Variants in ZNF385B observed in about 807,000 individuals in gnomAD.
The protein encoded by ZNF385B is zinc finger protein 385B, also known as zinc finger protein 533.
In ZNF385B, 23 loss-of-function variants were observed where a neutral mutation model predicts 39.2. That is an observed-to-expected ratio of 0.59 (90% CI 0.42 to 0.83). The LOEUF (loss-of-function observed/expected upper bound fraction) is 0.83. Ranked by LOEUF, ZNF385B falls within the 40% of genes least tolerant of loss-of-function variation. The pLI, the probability that ZNF385B is intolerant of heterozygous loss-of-function variation, is 0.00. For synonymous variants in ZNF385B, 205 were observed against 222.6 expected (o/e 0.92, Z 0.70); for missense variants, 552 against 598.9 (o/e 0.92, Z 0.82).
intron 3 of ZNF385B, among the ~76,000 whole-genome samples, chr2:179,734,706 T>C (rs1380968595): frequency 6.6e-6 from 1 of 152,218 alleles, no homozygotes; most frequent in Non-Finnish European, 1.5e-5. Context: ...AGTACTCATA[T>C]ACTAACAGGT....
chr2:179,627,876 C>T (rs538974841), intron 3 of ZNF385B, among the ~76,000 whole-genome samples: 1 of 152,114 alleles, frequency 6.6e-6, no homozygotes, highest in East Asian at 1.9e-4. Context: ...TTGCTTCCCA[C>T]ATTTACTTTC....
rs116539896 is a variant in ZNF385B, at chr2:179,674,924, A to G, written c.298+94579T>C. Among the ~76,000 whole-genome samples the G allele has an allele frequency of 2.0e-3, 307 of 152,352 alleles. 3 individuals are homozygous for G. Among genetic ancestry groups the G allele is most frequent in the Middle Eastern group, 6.8e-3 (2 of 294 alleles). ...CCCTAAAATCCTATCTAACCCATGCAAAACTCACTGTAGGAAACACTATAC... is the reference window on the plus strand; with the variant it reads ...CCCTAAAATCCTATCTAACCCATGCGAAACTCACTGTAGGAAACACTATAC... On this transcript the variant is annotated intron_variant, in intron 3 of 9. Transcript: ENST00000410066.
At chr2:179,652,456 G>A (rs899177970) in intron 3 of ZNF385B, among the ~76,000 whole-genome samples, 2 of 152,070 alleles carry the variant, frequency 1.3e-5, no homozygotes, top group African/African-American at 4.8e-5. Context: ...TTACAAGTGA[G>A]TACTTACGGG....
At chr2:179,564,573 C>T (rs929647001) in intron 3 of ZNF385B, among the ~76,000 whole-genome samples, 1 of 152,156 alleles carries the variant, frequency 6.6e-6, no homozygotes, top group Non-Finnish European at 1.5e-5. Context: ...TACCTTTTAA[C>T]TTCTTTTAGA....
At chr2:179,583,827 C>A (rs1686800401) in intron 3 of ZNF385B, 2 of 1,117,994 alleles carry the variant, frequency 1.8e-6, no homozygotes, top group Non-Finnish European at 2.4e-6. Flanking sequence ...AACAGTGGAA[C>A]TGGCAGCAGG....
At chr2:179,803,587 CTG>C (rs1357963245) in intron 1 of ZNF385B, among the ~76,000 whole-genome samples, 2 of 152,144 alleles carry the variant, frequency 1.3e-5, no homozygotes, top group East Asian at 3.9e-4. Flanking sequence ...GATTTATAAA[CTG>C]TGCATGATAT....
chr2:179,709,765 T>A (rs1042878711), intron 3 of ZNF385B, among the ~76,000 whole-genome samples: 2 of 152,316 alleles, frequency 1.3e-5, no homozygotes, highest in Middle Eastern at 3.4e-3. Context: ...CACAGATCAC[T>A]TGGGGCCAGA....
chr2:179,768,519 A>C (rs192272794), intron 3 of ZNF385B, among the ~76,000 whole-genome samples: 6 of 152,328 alleles, frequency 3.9e-5, no homozygotes, highest in Non-Finnish European at 7.4e-5. Flanking sequence ...AGAACCATGT[A>C]ACAGCACTGA....
At chr2:179,647,374 T>G (rs187773673) in intron 3 of ZNF385B, among the ~76,000 whole-genome samples, 77 of 152,202 alleles carry the variant, frequency 5.1e-4, no homozygotes, top group African/African-American at 1.6e-3. Flanking sequence ...TGCCCTGAAG[T>G]GTCCAGCCCA....
At chr2:179,458,787 G>A (rs1472419724) in intron 6 of ZNF385B, among the ~76,000 whole-genome samples, 1 of 151,912 alleles carries the variant, frequency 6.6e-6, no homozygotes, top group East Asian at 1.9e-4. Flanking sequence ...GTTTTTCCTA[G>A]TTACTTCCTC....
chr2:179,660,253 C>T (rs1047522280), intron 3 of ZNF385B: 3 of 152,328 alleles, frequency 2.0e-5, no homozygotes, highest in African/African-American at 7.2e-5. Context: ...CCTGACTCCA[C>T]TCACTCACTG....
intron 3 of ZNF385B, among the ~76,000 whole-genome samples, chr2:179,683,730 C>T (rs1697712838): frequency 6.6e-6 from 1 of 152,246 alleles, no homozygotes; most frequent in East Asian, 1.9e-4. Context: ...CCCGCCTCGG[C>T]CTCCCAAAGT....
chr2:179,810,211 T>G (rs1157024363), intron 1 of ZNF385B, among the ~76,000 whole-genome samples: 1 of 151,812 alleles, frequency 6.6e-6, no homozygotes, highest in Non-Finnish European at 1.5e-5. Context: ...AATTTTTAAG[T>G]GATTGTTTTA....
chr2:179,764,267 C>T (rs1039385280), intron 3 of ZNF385B, among the ~76,000 whole-genome samples: 4 of 152,032 alleles, frequency 2.6e-5, no homozygotes, highest in Admixed American at 6.6e-5. Flanking sequence ...ATATAGCTAC[C>T]CCTGCCTTTA....
intron 3 of ZNF385B, among the ~76,000 whole-genome samples, chr2:179,717,137 C>A (rs1295458830): frequency 1.3e-5 from 2 of 150,506 alleles, no homozygotes; most frequent in African/African-American, 4.9e-5. Flanking sequence ...AATGAATATT[C>A]AAAAAAAAAT....
chr2:179,648,989 T>C (rs886846488), intron 3 of ZNF385B, among the ~76,000 whole-genome samples: 2 of 152,028 alleles, frequency 1.3e-5, no homozygotes, highest in African/African-American at 4.8e-5. Flanking sequence ...GCCTGGAAAA[T>C]ATGAGCTTTA....
At chr2:179,493,493 G>GTGTGTACATATATGCGTGTACATA (rs1553571606) in intron 5 of ZNF385B, among the ~76,000 whole-genome samples, 1 of 149,716 alleles carries the variant, frequency 6.7e-6, no homozygotes, top group Non-Finnish European at 1.5e-5. Flanking sequence ...ATGTATAAAC[G>GTGTGTACATATATGCGTGTACATA]TGTGTGTACA....
At chr2:179,631,739 G>C (rs1691239311) in intron 3 of ZNF385B, among the ~76,000 whole-genome samples, 1 of 152,224 alleles carries the variant, frequency 6.6e-6, no homozygotes, top group African/African-American at 2.4e-5. Flanking sequence ...TGGATAAAGA[G>C]TCAAGACCCA....
chr2:179,808,849 A>T (rs925926395), intron 1 of ZNF385B, among the ~76,000 whole-genome samples: 4 of 152,242 alleles, frequency 2.6e-5, no homozygotes, highest in Admixed American at 6.5e-5. Context: ...ACATATTATG[A>T]TTAACAGGAA....
Sources: gnomAD v4.1 joint callset for allele counts (sites outside exome capture counted in the v4.1 genomes callset) on GRCh38, gnomAD v4.1.1 for gene constraint, MANE v1.5 for transcripts, NCBI Gene and HGNC (gene_info 2026-07-23, HGNC 2026-07-21) for gene names.